TRPM3: variants seen among roughly 807,000 people sequenced by gnomAD.
The protein encoded by TRPM3 is transient receptor potential cation channel subfamily M member 3.
In TRPM3, 77 loss-of-function variants were observed where a neutral mutation model predicts 181.2. The observed-to-expected ratio is 0.42, with a 90% CI of 0.35 to 0.51. TRPM3 has a LOEUF of 0.51. TRPM3 is among the 20% of genes least tolerant of loss of function. TRPM3 has a pLI of 0.01. For synonymous variants in TRPM3, 745 were observed against 796.4 expected, an observed-to-expected ratio of 0.94 and a Z score of 1.09; for missense variants, 1,759 against 2,196.7, an observed-to-expected ratio of 0.80 and a Z score of 3.98.
chr9:70,598,092 TCCTC>T (rs1443900322), intron 21 of TRPM3, among the ~76,000 whole-genome samples: 1 of 152,166 alleles, frequency 6.6e-6, no homozygotes, highest in African/African-American at 2.4e-5. Flanking sequence ...GTGTGGTAAT[TCCTC>T]CCTCCCTCTC....
chr9:70,913,898 T>C (rs2096563876), intron 1 of TRPM3, among the ~76,000 whole-genome samples: 2 of 152,286 alleles, frequency 1.3e-5, no homozygotes, highest in African/African-American at 4.8e-5. Flanking sequence ...CTAAACTCCA[T>C]TGCACTGAAA....
chr9:71,110,570 A>G (rs925995746), intron 1 of TRPM3, among the ~76,000 whole-genome samples: 2 of 152,184 alleles, frequency 1.3e-5, no homozygotes, highest in Admixed American at 1.3e-4. Context: ...CAGAGGGTGT[A>G]TGAGCCACAA....
chr9:70,665,312 T>C (rs73647111), intron 9 of TRPM3, among the ~76,000 whole-genome samples: 4 of 152,156 alleles, frequency 2.6e-5, no homozygotes, highest in Non-Finnish European at 5.9e-5. Flanking sequence ...CTTTGAAGAA[T>C]CGAAGCTATA....
At chr9:70,602,259 T>A in intron 20 of TRPM3, among the ~76,000 whole-genome samples, 1 of 152,142 alleles carries the variant, frequency 6.6e-6, no homozygotes, top group South Asian at 2.1e-4. Context: ...TAAGACATTT[T>A]TTATGATCCC....
chr9:71,301,975 T>C (rs2086818526), intron 1 of TRPM3, among the ~76,000 whole-genome samples: 1 of 152,168 alleles, frequency 6.6e-6, no homozygotes, highest in Non-Finnish European at 1.5e-5. Flanking sequence ...AATTTTGCTC[T>C]GAATGAAACA....
intron 1 of TRPM3, among the ~76,000 whole-genome samples, chr9:70,943,907 G>A (rs571817122): frequency 2.4e-4 from 37 of 152,208 alleles, no homozygotes; most frequent in African/African-American, 8.9e-4. Flanking sequence ...AGCCTCCCAA[G>A]TAGCTGGAAT....
intron 1 of TRPM3, among the ~76,000 whole-genome samples, chr9:71,276,109 G>A (rs2084192739): frequency 6.6e-6 from 1 of 152,134 alleles, no homozygotes; most frequent in South Asian, 2.1e-4. Context: ...CCAAAGTGCT[G>A]TGATTACAGG....
chr9:71,215,040 A>C (rs199562198), intron 1 of TRPM3, among the ~76,000 whole-genome samples: 1,180 of 39,492 alleles, frequency 0.03, 2 homozygotes, highest in African/African-American at 0.048. Flanking sequence ...AAACAAAAAA[A>C]AAAAAACAAA....
At chr9:71,426,477 TAC>T (rs754838157) in intron 1 of TRPM3, among the ~76,000 whole-genome samples, 1 of 152,122 alleles carries the variant, frequency 6.6e-6, no homozygotes, top group Non-Finnish European at 1.5e-5. Context: ...CTCATAATGA[TAC>T]AGAGTGTCAG....
intron 1 of TRPM3, among the ~76,000 whole-genome samples, chr9:71,439,269 A>G (rs1024090388): frequency 1.3e-5 from 2 of 152,238 alleles, no homozygotes; most frequent in Admixed American, 1.3e-4. Context: ...ATTAAAGACC[A>G]TAAACAACAT....
At chr9:71,005,494 A>C (rs965834598) in intron 1 of TRPM3, among the ~76,000 whole-genome samples, 1 of 152,196 alleles carries the variant, frequency 6.6e-6, no homozygotes, top group Admixed American at 6.5e-5. Context: ...TCAAATTAGC[A>C]AAAATCGAAG....
At chr9:70,976,401 C>T (rs543637586) in intron 1 of TRPM3, among the ~76,000 whole-genome samples, 102 of 152,286 alleles carry the variant, frequency 6.7e-4, no homozygotes, top group African/African-American at 2.4e-3. Context: ...TCCCTGGACA[C>T]CAGGCTACTA....
intron 1 of TRPM3, among the ~76,000 whole-genome samples, chr9:71,286,927 C>T (rs2085319394): frequency 1.0e-5 from 1 of 96,514 alleles, no homozygotes; most frequent in Non-Finnish European, 2.3e-5. Flanking sequence ...CCACGATATA[C>T]TTTTATATAT....
At chr9:71,276,490 T>C (rs1399635878) in intron 1 of TRPM3, among the ~76,000 whole-genome samples, 1 of 152,066 alleles carries the variant, frequency 6.6e-6, no homozygotes, top group Non-Finnish European at 1.5e-5. Flanking sequence ...CAAGAAACAC[T>C]ATGAGAAAAT....
At chr9:71,276,577 G>A (rs1001790529) in intron 1 of TRPM3, among the ~76,000 whole-genome samples, 4 of 152,088 alleles carry the variant, frequency 2.6e-5, no homozygotes, top group Non-Finnish European at 4.4e-5. Context: ...GACCCTTTTA[G>A]TAATCAAAGA....
chr9:71,309,717 CAT>C (rs1201091904), intron 1 of TRPM3, among the ~76,000 whole-genome samples: 8 of 151,996 alleles, frequency 5.3e-5, no homozygotes, highest in African/African-American at 1.7e-4. Flanking sequence ...CTTAGAATGA[CAT>C]AATTTCTGCA....
intron 6 of TRPM3, among the ~76,000 whole-genome samples, chr9:70,787,763 C>CTTTTTTTTTTTTTTTTTTTTTTTGTTT (rs2084154820): frequency 5.8e-4 from 40 of 68,562 alleles, no homozygotes; most frequent in East Asian, 2.4e-3. Context: ...TTTTTGGATT[C>CTTTTTTTTTTTTTTTTTTTTTTTGTTT]TTTTTTTTTT....
intron 1 of TRPM3, among the ~76,000 whole-genome samples, chr9:71,318,640 G>A (rs1450795044): frequency 6.6e-6 from 1 of 152,054 alleles, no homozygotes; most frequent in East Asian, 1.9e-4. Context: ...ACTCTTATAA[G>A]GCATTGTCTT....
chr9:71,358,028 A>G (rs961113970), intron 1 of TRPM3, among the ~76,000 whole-genome samples: 2 of 152,212 alleles, frequency 1.3e-5, no homozygotes, highest in Middle Eastern at 3.2e-3. Flanking sequence ...TGAGTGAACA[A>G]TATGGCGAGA....
Sources: allele counts gnomAD v4.1 joint callset (sites outside exome capture counted in the v4.1 genomes callset), GRCh38; gene constraint gnomAD v4.1.1; transcripts MANE v1.5; gene names NCBI Gene and HGNC (gene_info 2026-07-23, HGNC 2026-07-21).